Variants in DHX32 observed in about 807,000 individuals in gnomAD.
The protein encoded by DHX32 is putative pre-mRNA-splicing factor ATP-dependent RNA helicase DHX32.
DHX32 carries 51 observed loss-of-function variants against 70.0 expected under a neutral mutation model. The observed-to-expected ratio is 0.73, with a 90% CI of 0.58 to 0.92. The LOEUF is 0.92. Among genes scored for constraint, DHX32 ranks in the 40% least tolerant of loss-of-function variants. The probability of loss-of-function intolerance (pLI) is 0.00; values close to 1 mark genes in which losing one functional copy is unlikely to be tolerated. For synonymous variants in DHX32, 310 were observed against 315.3 expected, an observed-to-expected ratio of 0.98 and a Z score of 0.18; for missense variants, 762 against 891.8, an observed-to-expected ratio of 0.85 and a Z score of 1.85.
In DHX32 at chr10:125,866,854, G is replaced by C. The variant is rs901189686; in HGVS notation, c.476+136C>G. On this transcript the variant is annotated intron_variant, in intron 2 of 10. Coordinates refer to ENST00000284690, the MANE Select transcript of DHX32 (RefSeq NM_018180.3). This position sits in a 1 kb window ranked among gnomAD's most constrained non-coding sequence, Gnocchi z 4.8. ...GTGGGAAAGCAACTGTTGCTGGCTG[G>C]CTGATGACAGAGACCAGTTGCTACT... is the stretch of plus-strand genomic sequence containing the variant. The C allele has an allele frequency of 1.2e-6, 1 of 846,354 alleles. No homozygotes were observed. Among genetic ancestry groups the C allele is most frequent in the Non-Finnish European group, 1.8e-6 (1 of 558,194 alleles). 52.4% of individuals were successfully genotyped at this position (846,354 alleles called of 1,614,324 possible).
intron 4 of DHX32, chr10:125,853,471 T>G (rs1436554318): frequency 1.5e-5 from 4 of 258,652 alleles, no homozygotes; most frequent in African/African-American, 8.9e-5. Flanking sequence ...GATGAAAATT[T>G]TATCGTCAAT....
chr10:125,854,071 T>A lies in DHX32; in HGVS notation c.982A>T (p.Arg328Ter), dbSNP rs1283863822. The A allele has an allele frequency of 7.4e-6, 12 of 1,614,000 alleles. No individual in the cohort carries two copies. The Admixed American group carries it at 1.8e-4, about 25-fold the overall frequency. Residue 328 changes from arginine to a stop codon, truncating the protein, a stop_gained, in exon 4 of 11, where the codon AGA becomes TGA. Transcript: ENST00000284690. LOFTEE classifies it high-confidence loss of function. ...ACTCTTCTTTGATAAACTTGGCATC[T>A]TTTTTCTGTTTCATCGAGTGGCTTG... Reference protein sequence around the residue: ...LFKPLDETEKRCQVYQRRVVL... With the variant: ...LFKPLDETEK
chr10:125,872,876 G>A (rs1944263518), intron 1 of DHX32, among the ~76,000 whole-genome samples: 1 of 152,206 alleles, frequency 6.6e-6, no homozygotes, highest in African/African-American at 2.4e-5. Context: ...ATGAGAGTAG[G>A]TAAGAGGAGT....
At position 125,838,378 on chromosome 10, in the gene DHX32, C is replaced by A. The variant is rs369261174; in HGVS notation, c.1891G>T (p.Asp631Tyr). 9 of 1,573,346 alleles carry A rather than the reference C, an allele frequency of 5.7e-6. No homozygotes were observed. Among genetic ancestry groups the A allele is most frequent in the Non-Finnish European group, 7.7e-6 (9 of 1,164,606 alleles). Residue 631 changes from aspartate (D) to tyrosine (Y), a missense_variant, in exon 10 of 11, where the codon GAT (aspartate) becomes TAT (tyrosine). Asp to Tyr is a radical substitution (Grantham distance 160, BLOSUM62 -3). Around this residue, in one of 3 missense-constraint regions of DHX32, gnomAD observed 366 missense variants for 402.6 expected, o/e 0.91. Coordinates refer to ENST00000284690, the MANE Select transcript of DHX32 (RefSeq NM_018180.3). ...LSGYFMQIAR[D>Y]VDGSGNYLML... is the part of the protein sequence containing the mutation. ...AAGTAGTTACCTGATCCATCAACAT[C>A]CCGAGCAATCTGAAAGGCAGAATTT...
intron 10 of DHX32, among the ~76,000 whole-genome samples, chr10:125,837,645 G>A (rs1854737008): frequency 6.6e-6 from 1 of 152,136 alleles, no homozygotes; most frequent in South Asian, 2.1e-4. Context: ...GGCTGGTCTT[G>A]AACTCTTGGG....
intron 1 of DHX32, among the ~76,000 whole-genome samples, chr10:125,876,568 T>C (rs1944285037): frequency 6.6e-6 from 1 of 152,186 alleles, no homozygotes; most frequent in Non-Finnish European, 1.5e-5. Flanking sequence ...CCTCCTGATA[T>C]GAGGCACTGA....
intron 1 of DHX32, among the ~76,000 whole-genome samples, chr10:125,893,237 A>G (rs1224682974): frequency 2.0e-5 from 3 of 152,294 alleles, no homozygotes; most frequent in African/African-American, 7.2e-5. Flanking sequence ...TTATTTATTT[A>G]TTTAACTTTT....
At position 125,836,391 on chromosome 10, in the gene DHX32, T is replaced by G; in HGVS notation, c.*296A>C. 1 of 1,537,296 alleles carries G rather than the reference T, an allele frequency of 6.5e-7. No homozygotes were observed. The highest frequency in any genetic ancestry group is 8.7e-7 in the Non-Finnish European group (1 of 1,145,448). On this transcript the variant is annotated 3_prime_UTR_variant, in exon 11 of 11. Transcript: ENST00000284690. Reference sequence around the variant, plus strand: ...TTAAGTTCCTCTACAAAAAGTAGGGTTCTGTCCCATGTGTCTCTGACACAT... The same window carrying G: ...TTAAGTTCCTCTACAAAAAGTAGGGGTCTGTCCCATGTGTCTCTGACACAT...
At chr10:125,889,771 A>G (rs1441104360) in intron 1 of DHX32, among the ~76,000 whole-genome samples, 9 of 152,278 alleles carry the variant, frequency 5.9e-5, no homozygotes, top group Admixed American at 5.9e-4. Context: ...TAGCATTTAT[A>G]GAGTGATTAT....
intron 1 of DHX32, among the ~76,000 whole-genome samples, chr10:125,895,854 G>A (rs1944483741): frequency 6.6e-6 from 1 of 152,040 alleles, no homozygotes; most frequent in Admixed American, 6.5e-5. Flanking sequence ...CGATTCAGGA[G>A]ACGCGCCAGG....
At position 125,836,384 on chromosome 10, in the gene DHX32, A is replaced by AG; in HGVS notation, c.*302dup. The AG allele has an allele frequency of 6.4e-7, 1 of 1,555,864 alleles. No individual in the cohort carries two copies. Among genetic ancestry groups the AG allele is most frequent in the Non-Finnish European group, 8.7e-7 (1 of 1,153,806 alleles). On this transcript the variant is annotated 3_prime_UTR_variant, in exon 11 of 11. Transcript: ENST00000284690. ...ATTCAGATTAAGTTCCTCTACAAAA[A>AG]GTAGGGTTCTGTCCCATGTGTCTCT...
At position 125,866,389 on chromosome 10, in the gene DHX32, C is replaced by T. The variant is rs1328020610; in HGVS notation, c.476+601G>A. 1.3e-5 allele frequency among the ~76,000 whole-genome samples: 2 copies of T among 152,214 alleles called. No individual in the cohort carries two copies. Among genetic ancestry groups the T allele is most frequent in the Non-Finnish European group, 2.9e-5 (2 of 68,046 alleles). Reference sequence around the variant, plus strand: ...CTTGCGGTAGCCACAGAGAAGTCTCCTTGGAACATAGAAGACTCTGCAAAG... The same window carrying T: ...CTTGCGGTAGCCACAGAGAAGTCTCTTTGGAACATAGAAGACTCTGCAAAG... On this transcript the variant is annotated intron_variant, in intron 2 of 10. Transcript: ENST00000284690. The surrounding 1 kb of genome is among the most constrained non-coding windows in gnomAD (Gnocchi z 4.8).
chr10:125,849,002 T>C (rs950409614), intron 6 of DHX32, among the ~76,000 whole-genome samples: 2 of 152,198 alleles, frequency 1.3e-5, no homozygotes, highest in Non-Finnish European at 2.9e-5. Flanking sequence ...CTGTGCCTTT[T>C]GGCATAGTCC....
At chr10:125,861,436 G>A (rs1944187964) in intron 2 of DHX32, among the ~76,000 whole-genome samples, 1 of 152,136 alleles carries the variant, frequency 6.6e-6, no homozygotes. Flanking sequence ...GGCGGAGCTT[G>A]CAGTGAGCCG....
At chr10:125,841,317 G>T (rs766335318) in intron 7 of DHX32, 1 of 1,614,086 alleles carries the variant, frequency 6.2e-7, no homozygotes, top group South Asian at 1.1e-5. Context: ...AACCAGTTCC[G>T]ATACAGCACA....
In DHX32 at chr10:125,880,536, T is replaced by C; in HGVS notation, c.282+7A>G. ...ACAGCAAATTATTTTTTGTAGTGGTTACTCACCTGAGCGCTCTTACCACAT... is the reference window on the plus strand; with the variant it reads ...ACAGCAAATTATTTTTTGTAGTGGTCACTCACCTGAGCGCTCTTACCACAT... On this transcript the variant is annotated splice_region_variant and intron_variant, in intron 1 of 10. Coordinates refer to ENST00000284690, the MANE Select transcript of DHX32 (RefSeq NM_018180.3). 2 of 1,582,324 alleles carry C rather than the reference T, an allele frequency of 1.3e-6. No individual in the cohort carries two copies. Among genetic ancestry groups the C allele is most frequent in the Non-Finnish European group, 8.6e-7 (1 of 1,163,536 alleles).
Position 125,838,335 on chromosome 10 carries a change from T to G in DHX32, c.1934A>C (p.Gln645Pro). The change falls in exon 10 of 11, where the codon CAG becomes CCG. Residue 645 changes from glutamine to proline, a missense_variant. Gln to Pro is a moderately conservative substitution (Grantham distance 76). This residue lies in a region of DHX32 where 366 missense variants were observed against 402.6 expected (regional missense o/e 0.91). Transcript: ENST00000284690. ...AGACAGGGGATGCAGCTGAGCAACC[T>G]GCTTATGTGTCAGCATTAAGTAGTT... is the stretch of plus-strand genomic sequence containing the variant. ...SGNYLMLTHK[Q>P]VAQLHPLSGY... 6.2e-7 allele frequency: 1 copy of G among 1,613,172 alleles called. No individual in the cohort carries two copies. Among genetic ancestry groups the G allele is most frequent in the South Asian group, 1.1e-5 (1 of 90,730 alleles).
chr10:125,894,151 C>T (rs1489508644), intron 1 of DHX32, among the ~76,000 whole-genome samples: 1 of 152,248 alleles, frequency 6.6e-6, no homozygotes, highest in African/African-American at 2.4e-5. Context: ...ACATACTGAA[C>T]ATGCCCGTGA....
intron 4 of DHX32, 49 bp from the exon 5 acceptor site, chr10:125,852,691 G>C (rs1325620608): frequency 4.0e-6 from 6 of 1,511,512 alleles, no homozygotes; most frequent in Non-Finnish European, 5.4e-6. Flanking sequence ...TCATGATTCA[G>C]TAGGCTCACT....
Sources: gnomAD v4.1 joint callset for allele counts (sites outside exome capture counted in the v4.1 genomes callset) on GRCh38, gnomAD v4.1.1 for gene constraint, gnomAD v4.1.1 regional missense constraint, Gnocchi (gnomAD v3.1) non-coding constraint, MANE v1.5 for transcripts, NCBI Gene and HGNC (gene_info 2026-07-23, HGNC 2026-07-21) for gene names.